TRIP13: variants seen among roughly 807,000 people sequenced by gnomAD.
TRIP13 encodes pachytene checkpoint protein 2 homolog.
TRIP13 carries 25 observed loss-of-function variants against 54.4 expected under a neutral mutation model. The observed-to-expected ratio is 0.46, with a 90% CI of 0.33 to 0.64. The LOEUF is 0.64. Among genes scored for constraint, TRIP13 ranks in the 30% least tolerant of loss-of-function variants. The pLI is 0.02. For synonymous variants in TRIP13, 207 were observed against 207.8 expected, an observed-to-expected ratio of 1.00 and a Z score of 0.03; for missense variants, 373 against 534.2, an observed-to-expected ratio of 0.70 and a Z score of 2.97.
chr5:896,386 A>T (rs949473486), intron 2 of TRIP13, among the ~76,000 whole-genome samples: 1 of 152,196 alleles, frequency 6.6e-6, no homozygotes, highest in African/African-American at 2.4e-5. Context: ...CATCTGTGTG[A>T]GTGTATTTAT....
intron 9 of TRIP13, among the ~76,000 whole-genome samples, chr5:909,755 C>CG (rs1237343809): frequency 6.6e-6 from 1 of 152,216 alleles, no homozygotes; most frequent in East Asian, 1.9e-4. Flanking sequence ...GTATCCCTTA[C>CG]GGGAAACGAA....
chr5:895,088 C>A (rs1262000562), intron 2 of TRIP13, 136 bp downstream of exon 2: 3 of 946,102 alleles, frequency 3.2e-6, no homozygotes, highest in Non-Finnish European at 4.6e-6. Context: ...TAGACAAGTT[C>A]TTTTCACTAG....
In TRIP13 at chr5:911,368, G is replaced by C. The variant is rs1012635440; in HGVS notation, c.867-475G>C. Among the ~76,000 whole-genome samples the C allele has an allele frequency of 6.6e-5, 10 of 152,008 alleles. No individual in the cohort carries two copies. Among genetic ancestry groups the C allele is most frequent in the African/African-American group, 2.4e-4 (10 of 41,388 alleles). ...AGGCGGATCACGAGGTCAGGAGATC[G>C]AGACCATCCTGGCTAACACGGTGAA... On this transcript the variant is annotated intron_variant, in intron 9 of 12. Transcript: ENST00000166345. The surrounding 1 kb of genome is among the most constrained non-coding windows in gnomAD (Gnocchi z 4.7).
At chr5:914,814 G>A (rs1754311198) in intron 11 of TRIP13, among the ~76,000 whole-genome samples, 1 of 149,300 alleles carries the variant, frequency 6.7e-6, no homozygotes, top group African/African-American at 2.6e-5. Flanking sequence ...GGAGGGCGCT[G>A]GCTCACACTG....
downstream of TRIP13, among the ~76,000 whole-genome samples, chr5:918,789 G>C (rs933784831): frequency 2.0e-5 from 3 of 152,154 alleles, no homozygotes; most frequent in Admixed American, 2.0e-4. The surrounding 1 kb of genome is among the most constrained non-coding windows in gnomAD (Gnocchi z 4.3). Context: ...AAAGATGTAG[G>C]CTGGGAGGTT....
chr5:895,755 C>G (rs1208983294), intron 2 of TRIP13, among the ~76,000 whole-genome samples: 1 of 152,202 alleles, frequency 6.6e-6, no homozygotes, highest in Non-Finnish European at 1.5e-5. Flanking sequence ...TTCTAATGTT[C>G]TCTGACTGCA....
At position 908,738 on chromosome 5, in the gene TRIP13, C is replaced by T; in HGVS notation, c.866+277C>T. On this transcript the variant is annotated intron_variant, in intron 9 of 12. Coordinates refer to ENST00000166345, the MANE Select transcript of TRIP13 (RefSeq NM_004237.4). The surrounding 1 kb of genome is among the most constrained non-coding windows in gnomAD (Gnocchi z 5.2). ...CTTTGGGAGGCCGAGGCAGGCGGAT[C>T]ACAAGGTCAGTAGATTGAGACCATC... is the stretch of plus-strand genomic sequence containing the variant. 12 of 1,021,970 alleles carry T rather than the reference C, an allele frequency of 1.2e-5. No homozygotes were observed. The South Asian group carries it at 2.0e-4, about 17-fold the overall frequency. The allele number at this position is 1,021,970 out of a possible 1,614,324, so 63.3% of individuals were successfully genotyped here. A position where few individuals can be genotyped will look rare whatever the true frequency, so the allele number is the denominator to read the frequency against.
chr5:909,581 G>A (rs1219489752), intron 9 of TRIP13, among the ~76,000 whole-genome samples: 3 of 152,190 alleles, frequency 2.0e-5, no homozygotes, highest in Non-Finnish European at 4.4e-5. Context: ...AGCGGCGCTA[G>A]AGGAATTAAA....
intron 3 of TRIP13, among the ~76,000 whole-genome samples, chr5:897,065 C>T (rs1408875503): frequency 2.0e-5 from 3 of 152,236 alleles, no homozygotes; most frequent in Non-Finnish European, 1.5e-5. Context: ...TTGGTCTGTC[C>T]TGCTGAGTGG....
chr5:908,079 G>T lies in TRIP13; in HGVS notation c.759+5G>T. On this transcript the variant is annotated splice_donor_5th_base_variant and intron_variant, in intron 8 of 12. Coordinates refer to ENST00000166345, the MANE Select transcript of TRIP13 (RefSeq NM_004237.4). This position sits in a 1 kb window ranked among gnomAD's most constrained non-coding sequence, Gnocchi z 5.2. Reference sequence around the variant, plus strand: ...GTGTTCGTGCTGATTGATGAGGTAGGCATTTCCAGATAAGGAAATTCATGA... The same window carrying T: ...GTGTTCGTGCTGATTGATGAGGTAGTCATTTCCAGATAAGGAAATTCATGA... 6.2e-7 allele frequency: 1 copy of T among 1,614,066 alleles called. No individual in the cohort carries two copies.
rs1191989148 is a variant in TRIP13, at chr5:917,294, ACT to A, written c.*192_*193del. On this transcript the variant is annotated 3_prime_UTR_variant, in exon 13 of 13. Transcript: ENST00000166345. ...CTATTTATGTTGTTTTAAAATGCATACTGAGAGACAAACATCTTGTCATTTTC... is the reference window on the plus strand; with the variant it reads ...CTATTTATGTTGTTTTAAAATGCATAGAGAGACAAACATCTTGTCATTTTC... The A allele has an allele frequency of 1.9e-6, 1 of 520,524 alleles. No homozygotes were observed. 32.2% of individuals were successfully genotyped at this position (520,524 alleles called of 1,614,324 possible).
At chr5:903,247 G>T (rs979216466) in intron 5 of TRIP13, among the ~76,000 whole-genome samples, 2 of 152,092 alleles carry the variant, frequency 1.3e-5, no homozygotes, top group Non-Finnish European at 2.9e-5. Flanking sequence ...CTTCCCAGAC[G>T]CTGGCATTAC....
chr5:904,277 GTTGT>G lies in TRIP13; in HGVS notation c.608+60_608+63del, dbSNP rs961481952. 9.9e-6 allele frequency: 14 copies of G among 1,408,112 alleles called. No individual in the cohort carries two copies. In the African/African-American group the frequency reaches 2.0e-4, roughly 20 times the overall value. The allele number at this position is 1,408,112 out of a possible 1,614,324, so 87.2% of individuals were successfully genotyped here. A position where few individuals can be genotyped will look rare whatever the true frequency, so the allele number is the denominator to read the frequency against. On this transcript the variant is annotated intron_variant, in intron 6 of 12. Transcript: ENST00000166345. ...ATGGGAATGGGATTTATAACGGGAG[GTTGT>G]TTTTTTTTTTTTCTAAATCATTTTA...
In TRIP13 at chr5:904,619, C is replaced by A. The variant is rs73020936; in HGVS notation, c.608+399C>A. Among the ~76,000 whole-genome samples, 844 of 152,196 alleles carry A rather than the reference C, an allele frequency of 5.5e-3. 8 individuals are homozygous for A. The highest frequency in any genetic ancestry group is 0.019 in the African/African-American group (801 of 41,500). On this transcript the variant is annotated intron_variant, in intron 6 of 12. Transcript: ENST00000166345. ...TTGACCCTCCCCTTTATCTGGGACT[C>A]TGTCTGCTTTCATGTTAGACTGTTT...
Position 915,319 on chromosome 5 carries a change from G to A in TRIP13, c.1134-585G>A, listed in dbSNP as rs1054804016. 3.3e-5 allele frequency among the ~76,000 whole-genome samples: 5 copies of A among 152,174 alleles called. No homozygotes were observed. Among genetic ancestry groups the A allele is most frequent in the Admixed American group, 2.6e-4 (4 of 15,280 alleles). ...CTACTGACCATGTGCCCGCTGCATC[G>A]TGCCTTACGCCTGGTGCTCCCAGGC... On this transcript the variant is annotated intron_variant, in intron 11 of 12. Transcript: ENST00000166345. The surrounding 1 kb of genome is among the most constrained non-coding windows in gnomAD (Gnocchi z 4.2).
chr5:904,272 G>A (rs765732399), intron 6 of TRIP13, 52 bp downstream of exon 6: 99 of 1,498,866 alleles, frequency 6.6e-5, no homozygotes, highest in Non-Finnish European at 8.1e-5. Flanking sequence ...GATTTATAAC[G>A]GGAGGTTGTT....
chr5:894,666 C>T (rs555508914), intron 1 of TRIP13, 121 bp from the exon 2 acceptor site: 7 of 1,218,826 alleles, frequency 5.7e-6, no homozygotes, highest in Admixed American at 3.2e-5. Flanking sequence ...AGGCCAACTC[C>T]AACTTACCCT....
rs1426071650 is a variant in TRIP13, at chr5:912,957, G to C, written c.1020+961G>C. Among the ~76,000 whole-genome samples the C allele has an allele frequency of 6.6e-6, 1 of 152,162 alleles. No homozygotes were observed. The highest frequency in any genetic ancestry group is 1.5e-5 in the Non-Finnish European group (1 of 68,030). On this transcript the variant is annotated intron_variant, in intron 10 of 12. Coordinates refer to ENST00000166345, the MANE Select transcript of TRIP13 (RefSeq NM_004237.4). The surrounding 1 kb of genome is among the most constrained non-coding windows in gnomAD (Gnocchi z 7.2). Reference sequence around the variant, plus strand: ...CCACCTGCTGGTACCACAGAGTAGGGGTGTTAACAAGGATGGCACACCCTG... The same window carrying C: ...CCACCTGCTGGTACCACAGAGTAGGCGTGTTAACAAGGATGGCACACCCTG...
In TRIP13 at chr5:908,293, C is replaced by A. The variant is rs1246279989; in HGVS notation, c.760-62C>A. The A allele has an allele frequency of 6.4e-7, 1 of 1,568,290 alleles. No individual in the cohort carries two copies. The highest frequency in any genetic ancestry group is 1.3e-5 in the African/African-American group (1 of 74,222). ...TTCACGTGCTCAGCGGGACGTATCC[C>A]CATAGCTGCCTGTGAAGTGCCAGGC... On this transcript the variant is annotated intron_variant, in intron 8 of 12. Coordinates refer to ENST00000166345, the MANE Select transcript of TRIP13 (RefSeq NM_004237.4). This position sits in a 1 kb window ranked among gnomAD's most constrained non-coding sequence, Gnocchi z 5.2.
Sources: gnomAD v4.1 joint callset for allele counts (sites outside exome capture counted in the v4.1 genomes callset) on GRCh38, gnomAD v4.1.1 for gene constraint, Gnocchi (gnomAD v3.1) non-coding constraint, MANE v1.5 for transcripts, NCBI Gene and HGNC (gene_info 2026-07-23, HGNC 2026-07-21) for gene names.